Variants in ZNF124 observed in about 807,000 individuals in gnomAD.
The protein encoded by ZNF124 is zinc finger protein HZF-16.
In ZNF124, 25 loss-of-function variants were observed where a neutral mutation model predicts 26.6. That is an observed-to-expected ratio of 0.94 (90% CI 0.68 to 1.31). The LOEUF (loss-of-function observed/expected upper bound fraction) is 1.31. ZNF124 is among the 40% of genes most tolerant of loss of function. The pLI, the probability that ZNF124 is intolerant of heterozygous loss-of-function variation, is 0.00. For synonymous variants in ZNF124, 129 were observed against 133.3 expected (o/e 0.97, Z 0.22); for missense variants, 444 against 422.2 (o/e 1.05, Z -0.45).
intron 3 of ZNF124, among the ~76,000 whole-genome samples, chr1:247,145,010 G>A (rs1437776811): frequency 6.6e-6 from 1 of 152,126 alleles, no homozygotes; most frequent in Non-Finnish European, 1.5e-5. Context: ...TCCTGACCTT[G>A]TGATCCACCC....
chr1:247,157,654 A>G lies in ZNF124; in HGVS notation c.219-251T>C, dbSNP rs1191839197. On this transcript the variant is annotated intron_variant, in intron 3 of 3. Coordinates refer to ENST00000543802, the MANE Select transcript of ZNF124 (RefSeq NM_001297568.2). The stretch of plus-strand genomic sequence containing the variant: ...ACTTACACTGCTACCAATATCAGAG[A>G]AAGTGCAGGTTTTCTAACATAAACA... 1.4e-5 allele frequency: 8 copies of G among 567,256 alleles called. No homozygotes were observed. In the East Asian group the frequency reaches 2.5e-4, roughly 18 times the overall value. 35.1% of individuals were successfully genotyped at this position (567,256 alleles called of 1,614,324 possible). A position where few individuals can be genotyped will look rare whatever the true frequency, so the allele number is the denominator to read the frequency against.
intron 3 of ZNF124, among the ~76,000 whole-genome samples, chr1:247,142,377 T>C (rs1292109370): frequency 2.0e-5 from 3 of 152,212 alleles, no homozygotes; most frequent in African/African-American, 7.2e-5. Context: ...CTGACAAATT[T>C]TGTATTTCAT....
chr1:247,153,329 C>T (rs1348912449), downstream of ZNF124, among the ~76,000 whole-genome samples: 1 of 152,116 alleles, frequency 6.6e-6, no homozygotes, highest in African/African-American at 2.4e-5. Context: ...CTTCACAAAT[C>T]TGTGAGGTAG....
At chr1:247,138,828 A>G (rs1672554273) in intron 3 of ZNF124, 1 of 398,354 alleles carries the variant, frequency 2.5e-6, no homozygotes. Flanking sequence ...ACAGTAACAA[A>G]TAACTGGAAA....
chr1:247,159,898 T>A, intron 1 of ZNF124, 85 bp from the exon 2 acceptor site: 1 of 1,500,310 alleles, frequency 6.7e-7, no homozygotes, highest in Admixed American at 2.3e-5. Context: ...GTTCATCTGA[T>A]TCTGTGGCGA....
intron 3 of ZNF124, among the ~76,000 whole-genome samples, chr1:247,137,905 A>T (rs1445497175): frequency 2.6e-5 from 4 of 152,220 alleles, no homozygotes; most frequent in South Asian, 2.1e-4. Flanking sequence ...AAACAATGAG[A>T]TACCATCTCA....
At chr1:247,130,048 G>A (rs1234676773) in intron 3 of ZNF124, among the ~76,000 whole-genome samples, 2 of 152,148 alleles carry the variant, frequency 1.3e-5, no homozygotes, top group Non-Finnish European at 1.5e-5. Context: ...TGACCCTTGA[G>A]TCAGCCATGT....
At chr1:247,150,959 C>T (rs1011911379), downstream of ZNF124, among the ~76,000 whole-genome samples, 3 of 151,380 alleles carry the variant, frequency 2.0e-5, no homozygotes. Context: ...GAGAGAGATA[C>T]CAAAGAAAGG....
intron 1 of ZNF124, among the ~76,000 whole-genome samples, chr1:247,160,807 G>T (rs576396126): frequency 6.6e-6 from 1 of 152,110 alleles, no homozygotes; most frequent in Admixed American, 6.5e-5. Flanking sequence ...CCCAATCCAC[G>T]TGGTTACACA....
chr1:247,169,659 G>A (rs1383720521), intron 1 of ZNF124, among the ~76,000 whole-genome samples: 6 of 150,520 alleles, frequency 4.0e-5, no homozygotes, highest in Non-Finnish European at 3.0e-5. Context: ...GCCTCACTGC[G>A]GGGCGGGGTT....
rs573431620 is a variant in ZNF124 at position 247,125,488 on chromosome 1, G to C, written c.219-1617C>G. Reference sequence around the variant, plus strand: ...GAGGCAGAGTTTCCTCTTTCGCCCAGGCTGGAGATCTCCACTGACTGCAAC... The same window carrying C: ...GAGGCAGAGTTTCCTCTTTCGCCCACGCTGGAGATCTCCACTGACTGCAAC... On this transcript the variant is annotated intron_variant, in intron 3 of 3. Coordinates refer to the ZNF124 transcript ENST00000472531. 8.0e-3 allele frequency among the ~76,000 whole-genome samples: 614 copies of C among 76,686 alleles called. 16 individuals carry two copies. Among genetic ancestry groups the C allele is most frequent in the African/African-American group, 0.031 (589 of 19,034 alleles). 50.3% of individuals were successfully genotyped at this position (76,686 alleles called of 152,430 possible). A position where few individuals can be genotyped will look rare whatever the true frequency, so the allele number is the denominator to read the frequency against.
intron 1 of ZNF124, 58 bp from the exon 2 acceptor site, chr1:247,159,871 T>C (rs1572089983): frequency 6.4e-7 from 1 of 1,560,646 alleles, no homozygotes; most frequent in South Asian, 1.2e-5. Flanking sequence ...TGGAAATCTG[T>C]AGTCAATTTA....
Position 247,168,714 on chromosome 1 carries a change from G to C in ZNF124, c.30+3134C>G, listed in dbSNP as rs1341628286. 1.3e-5 allele frequency among the ~76,000 whole-genome samples: 2 copies of C among 152,188 alleles called. No homozygotes were observed. ...AAATAATGGGCTTTGCAGCAACTTG[G>C]ATGGAAATGGAGGCATTATTCTAAG... On this transcript the variant is annotated intron_variant, in intron 1 of 3. Transcript: ENST00000543802. This position sits in a 1 kb window ranked among gnomAD's most constrained non-coding sequence, Gnocchi z 4.0.
chr1:247,156,619 T>C lies in ZNF124; in HGVS notation c.1003A>G (p.Lys335Glu). Reference sequence around the variant, plus strand: ...TCTCCAGTATGAGTTTTTTTATGCTTCCAAAGGGTACTAGCACGACTAAAG... The same window carrying C: ...TCTCCAGTATGAGTTTTTTTATGCTCCCAAAGGGTACTAGCACGACTAAAG... ...KAFSRASTLW[K>E]HKKTHTGEKP... Residue 335 changes from lysine (K) to glutamate (E), a missense_variant, in exon 4 of 4, where the codon AAG becomes GAG. Physicochemically the swap from Lys to Glu is moderately conservative, Grantham distance 56 (BLOSUM62 1). Coordinates refer to ENST00000543802, the MANE Select transcript of ZNF124 (RefSeq NM_001297568.2). 1 of 1,576,770 alleles carries C rather than the reference T, an allele frequency of 6.3e-7. No homozygotes were observed. The highest frequency in any genetic ancestry group is 8.6e-7 in the Non-Finnish European group (1 of 1,168,000).
In ZNF124 at chr1:247,168,652, A is replaced by G. The variant is rs929052542; in HGVS notation, c.30+3196T>C. Among the ~76,000 whole-genome samples the G allele has an allele frequency of 6.6e-6, 1 of 152,228 alleles. No homozygotes were observed. The highest frequency in any genetic ancestry group is 1.5e-5 in the Non-Finnish European group (1 of 68,042). Reference sequence around the variant, plus strand: ...CATCAACCAATGAGGGGATAAAGAAAATGTGGTGGAATACTACTCAGCCAT... The same window carrying G: ...CATCAACCAATGAGGGGATAAAGAAGATGTGGTGGAATACTACTCAGCCAT... On this transcript the variant is annotated intron_variant, in intron 1 of 3. Transcript: ENST00000543802. The surrounding 1 kb of genome is among the most constrained non-coding windows in gnomAD (Gnocchi z 4.0).
chr1:247,128,205 C>T (rs1405067155), intron 3 of ZNF124, among the ~76,000 whole-genome samples: 2 of 152,024 alleles, frequency 1.3e-5, no homozygotes, highest in Non-Finnish European at 2.9e-5. Context: ...TGTTTCTGAA[C>T]ATTCCTTGTG....
chr1:247,169,867 T>G, intron 1 of ZNF124, among the ~76,000 whole-genome samples: 1 of 112,966 alleles, frequency 8.9e-6, no homozygotes. Context: ...TATAGAAGAG[T>G]ATCCCAGGAG....
chr1:247,151,222 G>C (rs1672926563), downstream of ZNF124, among the ~76,000 whole-genome samples: 1 of 151,952 alleles, frequency 6.6e-6, no homozygotes, highest in Non-Finnish European at 1.5e-5. Flanking sequence ...GCTCACGCCT[G>C]TAATCCCAGC....
At chr1:247,153,638 A>G (rs1673009973), downstream of ZNF124, among the ~76,000 whole-genome samples, 2 of 152,190 alleles carry the variant, frequency 1.3e-5, no homozygotes, top group South Asian at 2.1e-4. Flanking sequence ...GGAAACAGAC[A>G]GTGTAGACCA....
Sources: gnomAD v4.1 joint callset for allele counts (sites outside exome capture counted in the v4.1 genomes callset) on GRCh38, gnomAD v4.1.1 for gene constraint, Gnocchi (gnomAD v3.1) non-coding constraint, MANE v1.5 for transcripts, NCBI Gene and HGNC (gene_info 2026-07-23, HGNC 2026-07-21) for gene names.